The following ESPL1 variants were observed in gnomAD, a reference collection of about 807,000 sequenced individuals.
ESPL1 encodes separin.
A neutral mutation model predicts 217.2 loss-of-function variants in ESPL1; 50 were observed. The ratio of observed to expected loss-of-function variants is 0.23; its 90% CI spans 0.18 to 0.29. The LOEUF (loss-of-function observed/expected upper bound fraction) is 0.29, where lower values mean the gene tolerates loss of function less well. ESPL1 is among the 10% of genes least tolerant of loss of function. The probability of loss-of-function intolerance (pLI) is 1.00; values close to 1 mark genes in which losing one functional copy is unlikely to be tolerated. For missense variants in ESPL1, 1,834 were observed against 2,603.0 expected (o/e 0.70, Z 6.43); for synonymous variants, 994 against 1,081.3 (o/e 0.92, Z 1.58).
chr12:53,285,027 AG>A (rs1213836250), intron 17 of ESPL1, among the ~76,000 whole-genome samples: 26,994 of 135,350 alleles, frequency 0.2, 3,613 homozygotes, highest in Non-Finnish European at 0.31. Flanking sequence ...AAAAAAAAAA[AG>A]AAGAAAGAAA....
rs1246890168 is a variant in ESPL1, at chr12:53,272,695, T to C, written c.1370-26T>C. The C allele has an allele frequency of 3.1e-6, 5 of 1,609,852 alleles. No individual in the cohort carries two copies. The South Asian group carries it at 4.4e-5, about 14-fold the overall frequency. On this transcript the variant is annotated intron_variant, in intron 5 of 30. Transcript: ENST00000257934. Reference sequence around the variant, plus strand: ...AGGGTGGTGGGAGCCTTTCCTATGGTCAATTGTGCCTTTTCTCCCCTGCAG... The same window carrying C: ...AGGGTGGTGGGAGCCTTTCCTATGGCCAATTGTGCCTTTTCTCCCCTGCAG...
In ESPL1 at chr12:53,268,748, TC is replaced by T; in HGVS notation, c.-12-4del. 1 of 1,581,496 alleles carries T rather than the reference TC, an allele frequency of 6.3e-7. No individual in the cohort carries two copies. The stretch of plus-strand genomic sequence containing the variant: ...CAATCTTCTCTAATTGGTCTCCTTT[TC>T]CCTAGCTCTCCGGTGTCATGAGGAG... On this transcript the variant is annotated splice_polypyrimidine_tract_variant and splice_region_variant and intron_variant, in intron 1 of 30. Coordinates refer to ENST00000257934, the MANE Select transcript of ESPL1 (RefSeq NM_012291.5).
chr12:53,288,136 G>A lies in ESPL1; in HGVS notation c.4341G>A (p.Gly1447=), dbSNP rs762409178. Residue 1447 remains glycine (G), a synonymous_variant, in exon 19 of 31, where the codon GGG becomes GGA. Transcript: ENST00000257934. The part of the protein sequence containing the change: ...DAVVAPGSAP[G]NPGLNGRSRR... ...TGGTTGCCCCAGGTAGTGCCCCTGG[G>A]AACCCTGGCCTGAATGGCAGGAGCC... The A allele has an allele frequency of 3.7e-6, 6 of 1,613,588 alleles. No individual in the cohort carries two copies. The Admixed American group carries it at 1.0e-4, about 27-fold the overall frequency.
chr12:53,283,225 A>C lies in ESPL1; in HGVS notation c.2888A>C (p.Lys963Thr), dbSNP rs1943892965. ...GGCAGTGACATTCTCTCAACTCAGA[A>C]AGCAGCTGTGGAGACATCGTTTTTG... ...LMGSDILSTQKAAVETSFLDY... is the reference protein window; with the variant it reads ...LMGSDILSTQTAAVETSFLDY... Residue 963 changes from lysine (K) to threonine (T), a missense_variant, in exon 15 of 31, where the codon AAA becomes ACA. By Grantham distance (78) the Lys-to-Thr change is moderately conservative (BLOSUM62 -1). Around this residue, in one of 5 missense-constraint regions of ESPL1, gnomAD observed 107 missense variants for 171.7 expected, o/e 0.62. Coordinates refer to ENST00000257934, the MANE Select transcript of ESPL1 (RefSeq NM_012291.5). The C allele has an allele frequency of 6.2e-7, 1 of 1,614,106 alleles. No individual in the cohort carries two copies. The highest frequency in any genetic ancestry group is 8.5e-7 in the Non-Finnish European group (1 of 1,180,036).
Position 53,277,167 on chromosome 12 carries a change from C to T in ESPL1, c.2025C>T (p.Asp675=), listed in dbSNP as rs144067650. 2.5e-4 allele frequency: 402 copies of T among 1,614,154 alleles called. No homozygotes were observed. The highest frequency in any genetic ancestry group is 3.2e-4 in the Non-Finnish European group (373 of 1,179,986). Residue 675 remains aspartate, a synonymous_variant, in exon 9 of 31, where the codon GAC becomes GAT. Coordinates refer to ENST00000257934, the MANE Select transcript of ESPL1 (RefSeq NM_012291.5). ...PEAQARDQLL[D]DKAQALLWLY... is the part of the protein sequence containing the mutation. The stretch of plus-strand genomic sequence containing the variant: ...CCCAGGCCAGAGATCAGCTTCTGGA[C>T]GATAAAGCACAGGCCTTGCTGTGGC...
Position 53,286,318 on chromosome 12 carries a change from C to T in ESPL1, c.3582C>T (p.Ala1194=), listed in dbSNP as rs61740151. Residue 1194 remains alanine, a synonymous_variant, in exon 18 of 31, where the codon GCC becomes GCT. Coordinates refer to ENST00000257934, the MANE Select transcript of ESPL1 (RefSeq NM_012291.5). The surrounding 1 kb of genome is among the most constrained non-coding windows in gnomAD (Gnocchi z 5.3). ...TCGTGCTGAAGGGCTGTCCTGAAGC[C>T]GCTGAGCGCCTCACCCAAGCTCTCC... ...LQVVLKGCPE[A]AERLTQALQA... 1,426 of 1,614,182 alleles carry T rather than the reference C, an allele frequency of 8.8e-4. 5 individuals are homozygous for T. The highest frequency in any genetic ancestry group is 5.7e-3 in the African/African-American group (427 of 75,052).
chr12:53,278,865 C>T lies in ESPL1; in HGVS notation c.2365-867C>T, dbSNP rs556329352. 4.1e-4 allele frequency among the ~76,000 whole-genome samples: 63 copies of T among 152,014 alleles called. 1 individual carries two copies. Among genetic ancestry groups the T allele is most frequent in the Admixed American group, 2.1e-3 (32 of 15,262 alleles). On this transcript the variant is annotated intron_variant, in intron 11 of 30. Coordinates refer to ENST00000257934, the MANE Select transcript of ESPL1 (RefSeq NM_012291.5). ...CCTCCCAAAGTGCTGGGATTACAGG[C>T]GTGAGCCACCGCACCCAGCTTTCCG...
At chr12:53,283,879 A>G (rs975653589) in intron 16 of ESPL1, among the ~76,000 whole-genome samples, 179 bp from the exon 17 acceptor site, 2 of 152,176 alleles carry the variant, frequency 1.3e-5, no homozygotes, top group Non-Finnish European at 2.9e-5. Context: ...GAGAGTTGGG[A>G]TTAGAGAGAA....
chr12:53,269,531 C>T lies in ESPL1; in HGVS notation c.589C>T (p.Arg197Ter). The T allele has an allele frequency of 6.2e-7, 1 of 1,614,192 alleles. No individual in the cohort carries two copies. The highest frequency in any genetic ancestry group is 8.5e-7 in the Non-Finnish European group (1 of 1,180,036). ...TCACTTTGCTTCTCCAACAGCCTGTCGAGCGGTAGCTGCCCATCAGCTATT... is the reference window on the plus strand; with the variant it reads ...TCACTTTGCTTCTCCAACAGCCTGTTGAGCGGTAGCTGCCCATCAGCTATT... ...VPHFASPTAC[R>*]AVAAHQLFDA... is the part of the protein sequence containing the mutation. Residue 197 changes from arginine to a stop codon, truncating the protein, a stop_gained, in exon 3 of 31, where the codon CGA becomes TGA. Transcript: ENST00000257934. LOFTEE classifies it high-confidence loss of function. The surrounding 1 kb of genome is among the most constrained non-coding windows in gnomAD (Gnocchi z 6.7).
chr12:53,290,682 A>G (rs1276866317), intron 24 of ESPL1, among the ~76,000 whole-genome samples, 159 bp from the exon 25 acceptor site: 1 of 958 alleles, frequency 1.0e-3, no homozygotes, highest in African/African-American at 1.2e-3. Context: ...ATACGCAGAA[A>G]AAAAACGACT....
chr12:53,289,043 A>G (rs751236309), intron 20 of ESPL1, 47 bp from the exon 21 acceptor site: 5 of 1,449,910 alleles, frequency 3.4e-6, no homozygotes, highest in Non-Finnish European at 1.9e-6. Context: ...CCTATCAACT[A>G]TGAAATAAGG....
Position 53,272,761 on chromosome 12 carries a change from C to T in ESPL1, c.1410C>T (p.His470=), listed in dbSNP as rs373919065. The change falls in exon 6 of 31, where the codon CAC becomes CAT. Residue 470 remains histidine (H), a synonymous_variant. Transcript: ENST00000257934. ...ATTTGGCCTACAGCTTCTATAGTCACAAGCTCTATGCCGAGGCCTGTGCCA... is the reference window on the plus strand; with the variant it reads ...ATTTGGCCTACAGCTTCTATAGTCATAAGCTCTATGCCGAGGCCTGTGCCA... The part of the protein sequence containing the change: ...TSNLAYSFYS[H]KLYAEACAIS... 2.5e-6 allele frequency: 4 copies of T among 1,614,028 alleles called. No homozygotes were observed. The highest frequency in any genetic ancestry group is 4.5e-5 in the East Asian group (2 of 44,888).
intron 25 of ESPL1, 63 bp downstream of exon 25, chr12:53,291,059 T>G (rs536967819): frequency 1.3e-5 from 19 of 1,433,054 alleles, no homozygotes; most frequent in Non-Finnish European, 1.7e-5. Flanking sequence ...TCCCAGCACT[T>G]TGGGAGGCCA....
chr12:53,293,424 C>A lies in ESPL1; in HGVS notation c.6313C>A (p.Leu2105Ile). The A allele has an allele frequency of 6.2e-7, 1 of 1,614,152 alleles. No homozygotes were observed. Among genetic ancestry groups the A allele is most frequent in the Non-Finnish European group, 8.5e-7 (1 of 1,180,030 alleles). ...CCGCCAAGCTCCCCGACTCAAGTAT[C>A]TTATTGGGGCTGCACCTATAGCCTA... Reference protein sequence around the residue: ...QARQAPRLKYLIGAAPIAYGL... With the variant: ...QARQAPRLKYIIGAAPIAYGL... The change falls in exon 31 of 31, where the codon CTT becomes ATT. Residue 2105 changes from leucine to isoleucine, a missense_variant. Physicochemically the swap from Leu to Ile is conservative, Grantham distance 5. This residue lies in a region of ESPL1 where 295 missense variants were observed against 519.8 expected (regional missense o/e 0.57). Transcript: ENST00000257934. The surrounding 1 kb of genome is among the most constrained non-coding windows in gnomAD (Gnocchi z 4.2).
rs145977146 is a variant in ESPL1 at position 53,268,800 on chromosome 12, C to T, written c.34C>T (p.Leu12=). 336 of 1,612,756 alleles carry T rather than the reference C, an allele frequency of 2.1e-4. No homozygotes were observed. Among genetic ancestry groups the T allele is most frequent in the Admixed American group, 2.5e-4 (15 of 59,834 alleles). Residue 12 remains leucine (L), a synonymous_variant, in exon 2 of 31, where the codon CTG becomes TTG. Coordinates refer to ENST00000257934, the MANE Select transcript of ESPL1 (RefSeq NM_012291.5). The stretch of plus-strand genomic sequence containing the variant: ...CTTCAAAAGAGTCAACTTTGGGACT[C>T]TGCTAAGCAGCCAGAAGGAGGCTGA... The part of the protein sequence containing the change: ...RSFKRVNFGT[L]LSSQKEAEEL...
At position 53,283,495 on chromosome 12, in the gene ESPL1, T is replaced by C; in HGVS notation, c.3034T>C (p.Leu1012=). The change falls in exon 16 of 31, where the codon TTG becomes CTG. Residue 1012 remains leucine (L), a synonymous_variant. Transcript: ENST00000257934. ...TGTGAGTGAAGCCAAGGCCTTTTGC[T>C]TGGAGGCCCTAAAACTTACAACAAA... ...GSVSEAKAFC[L]EALKLTTKLQ... 1.9e-6 allele frequency: 3 copies of C among 1,614,158 alleles called. No homozygotes were observed. The highest frequency in any genetic ancestry group is 2.5e-6 in the Non-Finnish European group (3 of 1,180,010).
In ESPL1 at chr12:53,286,206, C is replaced by A; in HGVS notation, c.3470C>A (p.Thr1157Lys). ...DCSLCASPVLTAVCLRWVLVT... is the reference protein window; with the variant it reads ...DCSLCASPVLKAVCLRWVLVT... ...TCGCTCTGCGCCAGCCCTGTCCTCACAGCAGTCTGTCTGCGCTGGGTATTG... is the reference window on the plus strand; with the variant it reads ...TCGCTCTGCGCCAGCCCTGTCCTCAAAGCAGTCTGTCTGCGCTGGGTATTG... The change falls in exon 18 of 31, where the codon ACA becomes AAA. Residue 1157 changes from threonine (T) to lysine (K), a missense_variant. This residue lies in a region of ESPL1 where 681 missense variants were observed against 808.0 expected (regional missense o/e 0.84). Coordinates refer to ENST00000257934, the MANE Select transcript of ESPL1 (RefSeq NM_012291.5). This position sits in a 1 kb window ranked among gnomAD's most constrained non-coding sequence, Gnocchi z 5.3. 6.2e-7 allele frequency: 1 copy of A among 1,614,288 alleles called. No homozygotes were observed. Among genetic ancestry groups the A allele is most frequent in the Non-Finnish European group, 8.5e-7 (1 of 1,180,052 alleles).
intron 11 of ESPL1, among the ~76,000 whole-genome samples, chr12:53,279,402 C>G (rs773018398): frequency 1.7e-4 from 26 of 152,248 alleles, no homozygotes; most frequent in Non-Finnish European, 3.2e-4. Context: ...TGAACTTAGA[C>G]AAGCAACTTA....
chr12:53,270,277 C>T, intron 3 of ESPL1, 101 bp from the exon 4 acceptor site: 1 of 1,002,928 alleles, frequency 1.0e-6, no homozygotes, highest in Non-Finnish European at 1.6e-6. Context: ...CTTCCTCGTG[C>T]TCCCTGGGCT....
Sources: gnomAD v4.1 joint callset for allele counts (sites outside exome capture counted in the v4.1 genomes callset) on GRCh38, gnomAD v4.1.1 for gene constraint, gnomAD v4.1.1 regional missense constraint, Gnocchi (gnomAD v3.1) non-coding constraint, MANE v1.5 for transcripts, NCBI Gene and HGNC (gene_info 2026-07-23, HGNC 2026-07-21) for gene names.